ZNF107: variants seen among roughly 807,000 people sequenced by gnomAD.
The protein encoded by ZNF107 is C2H2 type zinc-finger protein.
Under a neutral mutation model 12.3 loss-of-function variants are expected in ZNF107, and 19 were observed. The ratio of observed to expected loss-of-function variants is 1.55; its 90% CI spans 1.08 to 2.27. The LOEUF (loss-of-function observed/expected upper bound fraction) is 2.27. Among genes scored for constraint, ZNF107 ranks in the 30% most tolerant of loss-of-function variants. ZNF107 has a pLI of 0.00. For synonymous variants in ZNF107, 317 were observed against 330.5 expected, an observed-to-expected ratio of 0.96 and a Z score of 0.44; for missense variants, 958 against 979.9, an observed-to-expected ratio of 0.98 and a Z score of 0.30.
chr7:64,697,267 A>G (rs1012892359), intron 3 of ZNF107, among the ~76,000 whole-genome samples: 6 of 152,084 alleles, frequency 3.9e-5, no homozygotes, highest in Non-Finnish European at 8.8e-5. Flanking sequence ...GAATAGTGCC[A>G]CAATAAACAT....
chr7:64,691,918 C>T lies in ZNF107; in HGVS notation c.184C>T (p.Pro62Ser). 2 of 1,533,632 alleles carry T rather than the reference C, an allele frequency of 1.3e-6. No homozygotes were observed. The highest frequency in any genetic ancestry group is 1.4e-5 in the African/African-American group (1 of 70,656). The change falls in exon 3 of 4, where the codon CCC becomes TCC. Residue 62 changes from proline to serine, a missense_variant. Coordinates refer to ENST00000620827, the MANE Select transcript of ZNF107 (RefSeq NM_001282359.2). ...CACCTGTCTGGAGCAAAAAAAAGAG[C>T]CCTGGAATATAAAAAGACATGAGAT... ...LITCLEQKKE[P>S]WNIKRHEMVA...
rs971268217 is a variant in ZNF107 at position 64,708,723 on chromosome 7, G to A, written c.*67G>A. The A allele has an allele frequency of 6.8e-7, 1 of 1,463,632 alleles. No homozygotes were observed. The allele number at this position is 1,463,632 out of a possible 1,614,324, so 90.7% of individuals were successfully genotyped here. A position where few individuals can be genotyped will look rare whatever the true frequency, so the allele number is the denominator to read the frequency against. On this transcript the variant is annotated 3_prime_UTR_variant, in exon 4 of 4. Coordinates refer to ENST00000620827, the MANE Select transcript of ZNF107 (RefSeq NM_001282359.2). ...GAGAGAAACTACAAATGTGAAGAAT[G>A]TGTTAAAGCCTTTAACAAGTCTTCA...
chr7:64,690,553 A>C, intron 1 of ZNF107: 1 of 979,660 alleles, frequency 1.0e-6, no homozygotes, highest in Middle Eastern at 5.2e-4. Flanking sequence ...CTAATTTTTA[A>C]AATTTTTTAT....
At position 64,706,469 on chromosome 7, in the gene ZNF107, G is replaced by A. The variant is rs766784439; in HGVS notation, c.372G>A (p.Thr124=). The A allele has an allele frequency of 1.1e-5, 17 of 1,613,326 alleles. No individual in the cohort carries two copies. Among genetic ancestry groups the A allele is most frequent in the South Asian group, 6.6e-5 (6 of 91,026 alleles). Residue 124 remains threonine, a synonymous_variant, in exon 4 of 4, where the codon ACG becomes ACA. Transcript: ENST00000620827. ...RKGCKHVDEC[T]GHKGGHNTVN... is the part of the protein sequence containing the mutation. ...GCTGTAAACATGTGGATGAGTGTAC[G>A]GGGCACAAAGGAGGTCATAATACAG...
intron 1 of ZNF107, among the ~76,000 whole-genome samples, chr7:64,679,579 C>G (rs1789569314): frequency 6.6e-6 from 1 of 152,170 alleles, no homozygotes; most frequent in African/African-American, 2.4e-5. Flanking sequence ...CCCTGTCTCT[C>G]TGTTTCTTCA....
At chr7:64,695,200 A>G (rs1019930716) in intron 3 of ZNF107, among the ~76,000 whole-genome samples, 2 of 152,072 alleles carry the variant, frequency 1.3e-5, no homozygotes, top group Non-Finnish European at 2.9e-5. Flanking sequence ...ATTTTGTGTA[A>G]GAATAGCATA....
intron 1 of ZNF107, among the ~76,000 whole-genome samples, chr7:64,683,271 T>C (rs2128960156): frequency 6.6e-6 from 1 of 152,262 alleles, no homozygotes; most frequent in East Asian, 1.9e-4. Context: ...GGGTCTTCCA[T>C]TATCAATGCC....
At chr7:64,701,785 GATTTTTTGT>G (rs1024626727) in intron 3 of ZNF107, among the ~76,000 whole-genome samples, 1 of 151,778 alleles carries the variant, frequency 6.6e-6, no homozygotes, top group African/African-American at 2.4e-5. Context: ...CACCCAGCTA[GATTTTTTGT>G]ATTTTTTGTA....
chr7:64,684,669 C>T (rs1374910291), intron 1 of ZNF107: 1 of 985,306 alleles, frequency 1.0e-6, no homozygotes, highest in East Asian at 1.1e-4. Flanking sequence ...TTTGCCAAGA[C>T]ATCTCCTGGT....
chr7:64,686,426 G>A (rs1789914055), intron 1 of ZNF107: 4 of 699,504 alleles, frequency 5.7e-6, no homozygotes, highest in Middle Eastern at 7.1e-4. Flanking sequence ...ACTCCTAACT[G>A]CCCCTCAATG....
At chr7:64,687,423 T>A (rs1789961364) in intron 1 of ZNF107, 1 of 985,416 alleles carries the variant, frequency 1.0e-6, no homozygotes, top group African/African-American at 1.7e-5. Flanking sequence ...TGATGTGGCA[T>A]TGAAGTGCTG....
chr7:64,682,576 G>T lies in ZNF107; in HGVS notation c.4-8672G>T, dbSNP rs552795301. Among the ~76,000 whole-genome samples the T allele has an allele frequency of 5.9e-5, 9 of 152,158 alleles. No individual in the cohort carries two copies. The East Asian group carries it at 1.7e-3, about 30-fold the overall frequency. Reference sequence around the variant, plus strand: ...GCAGAGGTAAAGGGATGTGCAGTTGGGGTCCTAACACAAGGGCCAGGCCCA... The same window carrying T: ...GCAGAGGTAAAGGGATGTGCAGTTGTGGTCCTAACACAAGGGCCAGGCCCA... On this transcript the variant is annotated intron_variant, in intron 1 of 3. Transcript: ENST00000620827.
intron 3 of ZNF107, among the ~76,000 whole-genome samples, chr7:64,699,678 C>T (rs1174819441): frequency 2.6e-5 from 4 of 152,150 alleles, no homozygotes; most frequent in Non-Finnish European, 5.9e-5. Flanking sequence ...AATCTTCCCA[C>T]GTTGGTCTCA....
At position 64,707,628 on chromosome 7, in the gene ZNF107, T is replaced by C; in HGVS notation, c.1531T>C (p.Cys511Arg). ...TCATACTGGAGAGAAACCCTACAAA[T>C]GTGAAGAATGTGACAGAGCTTTTAG... ...KIHTGEKPYK[C>R]EECDRAFSQS... The change falls in exon 4 of 4, where the codon TGT (cysteine) becomes CGT (arginine). Residue 511 changes from cysteine to arginine, a missense_variant. Cys to Arg is a radical substitution (Grantham distance 180). Transcript: ENST00000620827. 6.2e-7 allele frequency: 1 copy of C among 1,612,992 alleles called. No individual in the cohort carries two copies. The highest frequency in any genetic ancestry group is 8.5e-7 in the Non-Finnish European group (1 of 1,179,658).
chr7:64,684,000 C>G (rs1357536490), intron 1 of ZNF107, among the ~76,000 whole-genome samples: 2 of 152,158 alleles, frequency 1.3e-5, no homozygotes, highest in Admixed American at 6.5e-5. Context: ...AGTGGTCCAG[C>G]CTTCATTAGC....
intron 3 of ZNF107, among the ~76,000 whole-genome samples, chr7:64,694,895 G>A (rs1197644869): frequency 6.6e-6 from 1 of 151,984 alleles, no homozygotes; most frequent in Non-Finnish European, 1.5e-5. Flanking sequence ...TAATTAGTAG[G>A]CATTCTATAT....
At chr7:64,672,697 A>C (rs566222060) in intron 1 of ZNF107, among the ~76,000 whole-genome samples, 1 of 152,154 alleles carries the variant, frequency 6.6e-6, no homozygotes, top group African/African-American at 2.4e-5. Context: ...TACCGTCGAT[A>C]GGTATTTGGT....
intron 3 of ZNF107, among the ~76,000 whole-genome samples, chr7:64,705,044 C>T (rs111692731): frequency 2.0e-5 from 3 of 152,242 alleles, no homozygotes; most frequent in African/African-American, 7.2e-5. Context: ...ATTATTCTCA[C>T]TTGACAGCTA....
chr7:64,697,062 G>T (rs1790314418), intron 3 of ZNF107, among the ~76,000 whole-genome samples: 1 of 151,364 alleles, frequency 6.6e-6, no homozygotes, highest in South Asian at 2.1e-4. Context: ...GTGAGAACAT[G>T]CAGTGTTTGG....
Sources: allele counts gnomAD v4.1 joint callset (sites outside exome capture counted in the v4.1 genomes callset), GRCh38; gene constraint gnomAD v4.1.1; transcripts MANE v1.5; gene names NCBI Gene and HGNC (gene_info 2026-07-23, HGNC 2026-07-21).